The following SPATS2L variants were observed in gnomAD, a reference collection of about 807,000 sequenced individuals.
SPATS2L encodes SPATS2-like protein.
Under a neutral mutation model 59.6 loss-of-function variants are expected in SPATS2L, and 30 were observed. The ratio of observed to expected loss-of-function variants is 0.50; its 90% CI spans 0.38 to 0.68. The LOEUF is 0.68. Ranked by LOEUF, SPATS2L falls within the 30% of genes least tolerant of loss-of-function variation. The pLI, the probability that SPATS2L is intolerant of heterozygous loss-of-function variation, is 0.00. For missense variants in SPATS2L, 615 were observed against 700.0 expected (o/e 0.88, Z 1.37); for synonymous variants, 252 against 263.5 (o/e 0.96, Z 0.42).
At chr2:200,453,567 G>C (rs2085618753) in intron 8 of SPATS2L, among the ~76,000 whole-genome samples, 1 of 152,196 alleles carries the variant, frequency 6.6e-6, no homozygotes, top group Admixed American at 6.5e-5. Flanking sequence ...CTTGCAACTA[G>C]TGGGCAAAAT....
chr2:200,445,097 AG>A (rs2084945767), intron 8 of SPATS2L, among the ~76,000 whole-genome samples: 1 of 152,062 alleles, frequency 6.6e-6, no homozygotes, highest in Non-Finnish European at 1.5e-5. Context: ...TGGGAGGCTG[AG>A]GCAGGAGTTT....
chr2:200,308,930 G>A (rs2079110033), intron 1 of SPATS2L: 2 of 656,616 alleles, frequency 3.0e-6, no homozygotes, highest in Non-Finnish European at 2.8e-6. Flanking sequence ...TTTTCTGCAT[G>A]CACTGATTTT....
chr2:200,469,731 G>A (rs145000774), intron 10 of SPATS2L, 183 bp from the exon 11 acceptor site: 1 of 534,142 alleles, frequency 1.9e-6, no homozygotes, highest in Non-Finnish European at 3.3e-6. Flanking sequence ...GCAGGAAGAT[G>A]CTCATTCCCT....
chr2:200,309,175 G>A lies in SPATS2L; in HGVS notation c.-73+2253G>A, dbSNP rs2079119597. On this transcript the variant is annotated intron_variant, in intron 1 of 12. Coordinates refer to ENST00000409140, the MANE Select transcript of SPATS2L (RefSeq NM_001100423.2). ...AATTTTTGTGAGTTTCTCAGTCTGC[G>A]ATCAGAGTTGTGTTATCAATCACAG... 9.8e-6 allele frequency: 7 copies of A among 716,400 alleles called. No homozygotes were observed. In the Admixed American group the frequency reaches 1.2e-4, roughly 12 times the overall value. The allele number at this position is 716,400 out of a possible 1,614,324, so 44.4% of individuals were successfully genotyped here.
At chr2:200,341,930 C>T (rs11890198) in intron 2 of SPATS2L, among the ~76,000 whole-genome samples, 175 of 152,126 alleles carry the variant, frequency 1.2e-3, no homozygotes, top group African/African-American at 3.9e-3. Context: ...GACCACGATC[C>T]GCCTACCTCA....
intron 3 of SPATS2L, among the ~76,000 whole-genome samples, chr2:200,396,033 A>AAATAAATATAT (rs1553520464): frequency 4.7e-5 from 1 of 21,148 alleles, no homozygotes; most frequent in African/African-American, 1.5e-4. Flanking sequence ...AAAAAAAAAA[A>AAATAAATATAT]ATATATATAT....
At chr2:200,449,824 G>A (rs1219458663) in intron 8 of SPATS2L, among the ~76,000 whole-genome samples, 1 of 152,048 alleles carries the variant, frequency 6.6e-6, no homozygotes, top group Non-Finnish European at 1.5e-5. Flanking sequence ...GCTTATTTCT[G>A]TTTTTTTGGA....
intron 3 of SPATS2L, among the ~76,000 whole-genome samples, chr2:200,395,528 C>G (rs772400503): frequency 6.6e-6 from 1 of 152,140 alleles, no homozygotes; most frequent in African/African-American, 2.4e-5. Flanking sequence ...AAATAAGCCA[C>G]TTAACTTTTC....
chr2:200,319,434 G>A (rs1485040862), intron 1 of SPATS2L, among the ~76,000 whole-genome samples: 2 of 151,980 alleles, frequency 1.3e-5, no homozygotes, highest in East Asian at 1.9e-4. Flanking sequence ...GCATGGTGGC[G>A]TATGCCTGTA....
At chr2:200,376,107 T>C (rs2105900547) in intron 2 of SPATS2L, among the ~76,000 whole-genome samples, 1 of 152,302 alleles carries the variant, frequency 6.6e-6, no homozygotes, top group African/African-American at 2.4e-5. Context: ...AAAGGCATTG[T>C]ATTTGGAACT....
Position 200,473,042 on chromosome 2 carries a change from C to T in SPATS2L, c.1271C>T (p.Ala424Val). 1 of 1,612,356 alleles carries T rather than the reference C, an allele frequency of 6.2e-7. No individual in the cohort carries two copies. ...GACCCCTCTCACCAGACCATGCCGG[C>T]CAACAAGCAGGTAAGCCGACACTGG... The part of the protein sequence containing the change: ...TADPSHQTMP[A>V]NKQNGSSNQR... The change falls in exon 12 of 13, where the codon GCC (alanine) becomes GTC (valine). Residue 424 changes from alanine to valine, a missense_variant. Transcript: ENST00000409140.
chr2:200,349,642 A>G (rs1311513596), intron 2 of SPATS2L, among the ~76,000 whole-genome samples: 1 of 152,198 alleles, frequency 6.6e-6, no homozygotes, highest in Non-Finnish European at 1.5e-5. Flanking sequence ...CGTCTCAGAA[A>G]AGAAAAAGAG....
intron 6 of SPATS2L, among the ~76,000 whole-genome samples, chr2:200,427,272 A>G (rs1174387931): frequency 6.6e-6 from 1 of 152,066 alleles, no homozygotes; most frequent in Non-Finnish European, 1.5e-5. Flanking sequence ...CTCTGATGTG[A>G]TTATTATGCA....
chr2:200,380,903 C>T (rs570687346), intron 2 of SPATS2L, among the ~76,000 whole-genome samples: 1 of 152,288 alleles, frequency 6.6e-6, no homozygotes, highest in Admixed American at 6.5e-5. Flanking sequence ...TTATGTTTCT[C>T]AGTCCTAATA....
intron 3 of SPATS2L, among the ~76,000 whole-genome samples, chr2:200,391,033 A>T (rs1330141295): frequency 6.6e-6 from 1 of 152,070 alleles, no homozygotes; most frequent in Non-Finnish European, 1.5e-5. Context: ...GGTGCCAGAC[A>T]CACGTAATCC....
chr2:200,350,296 T>C (rs2080677275), intron 2 of SPATS2L, among the ~76,000 whole-genome samples: 1 of 152,138 alleles, frequency 6.6e-6, no homozygotes, highest in Admixed American at 6.5e-5. Context: ...CTGCTTTCCT[T>C]CTTTCTGAAT....
intron 8 of SPATS2L, among the ~76,000 whole-genome samples, chr2:200,455,820 G>A (rs1029909861): frequency 1.3e-5 from 2 of 152,124 alleles, no homozygotes; most frequent in Admixed American, 6.5e-5. Flanking sequence ...GTCTGTCTCT[G>A]TCCTGGTACC....
At chr2:200,453,970 G>A (rs189023962) in intron 8 of SPATS2L, among the ~76,000 whole-genome samples, 5 of 152,084 alleles carry the variant, frequency 3.3e-5, no homozygotes, top group Non-Finnish European at 5.9e-5. Context: ...TACTGCATGC[G>A]CCTCCTGCTG....
intron 8 of SPATS2L, among the ~76,000 whole-genome samples, chr2:200,447,709 A>C (rs112558281): frequency 0.01 from 1,597 of 152,302 alleles, 14 homozygotes; most frequent in Non-Finnish European, 0.018. Flanking sequence ...AGTATAGTGT[A>C]GTTGTACAGT....
Sources: allele counts gnomAD v4.1 joint callset (sites outside exome capture counted in the v4.1 genomes callset), GRCh38; gene constraint gnomAD v4.1.1; transcripts MANE v1.5; gene names NCBI Gene and HGNC (gene_info 2026-07-23, HGNC 2026-07-21).